Variants in MBNL2 observed in about 807,000 individuals in gnomAD.
MBNL2 encodes the protein muscleblind-like protein 2.
MBNL2 carries 17 observed loss-of-function variants against 41.9 expected under a neutral mutation model. The ratio of observed to expected loss-of-function variants is 0.41; its 90% CI spans 0.28 to 0.61. MBNL2 has a LOEUF of 0.61. MBNL2 is among the 20% of genes least tolerant of loss of function. The pLI is 0.35. For synonymous variants in MBNL2, 195 were observed against 182.9 expected, an observed-to-expected ratio of 1.07 and a Z score of -0.53; for missense variants, 336 against 505.6, an observed-to-expected ratio of 0.66 and a Z score of 3.22.
At chr13:97,218,234 T>A (rs2040535393), upstream of MBNL2, among the ~76,000 whole-genome samples, 2 of 151,532 alleles carry the variant, frequency 1.3e-5, no homozygotes, top group African/African-American at 4.9e-5. Context: ...CACGGTGAAA[T>A]CCCATCTCTA....
intron 2 of MBNL2, among the ~76,000 whole-genome samples, chr13:97,303,873 A>G (rs1195327326): frequency 6.6e-6 from 1 of 152,240 alleles, no homozygotes; most frequent in Non-Finnish European, 1.5e-5. Context: ...TGTTAAATTG[A>G]AATTCTACCA....
At chr13:97,296,840 A>G (rs889092327) in intron 2 of MBNL2, among the ~76,000 whole-genome samples, 3 of 152,222 alleles carry the variant, frequency 2.0e-5, no homozygotes, top group African/African-American at 7.2e-5. Context: ...AGTTCTATAG[A>G]CAAGGTGTGA....
chr13:97,362,576 T>A (rs2063500913), intron 7 of MBNL2, among the ~76,000 whole-genome samples: 1 of 152,076 alleles, frequency 6.6e-6, no homozygotes, highest in African/African-American at 2.4e-5. Flanking sequence ...TGGAGCATGG[T>A]GCCAGGGAGG....
At chr13:97,181,278 G>A in the MBNL2 span, among the ~76,000 whole-genome samples, 1 of 152,126 alleles carries the variant, frequency 6.6e-6, no homozygotes, top group Non-Finnish European at 1.5e-5. Context: ...TGCCATATAA[G>A]ATAATATATT....
intron 1 of MBNL2, among the ~76,000 whole-genome samples, chr13:97,242,237 G>T (rs1021852130): frequency 1.3e-5 from 2 of 152,260 alleles, no homozygotes; most frequent in African/African-American, 4.8e-5. Flanking sequence ...GTGCTTTAGG[G>T]TGTTTAGATC....
intron 7 of MBNL2, among the ~76,000 whole-genome samples, chr13:97,363,303 T>C (rs2063566779): frequency 1.3e-5 from 2 of 151,774 alleles, no homozygotes; most frequent in Admixed American, 6.6e-5. Flanking sequence ...CCACAGGAAA[T>C]GTAGCGTAGA....
intron 2 of MBNL2, among the ~76,000 whole-genome samples, chr13:97,318,770 G>A (rs1413651093): frequency 6.6e-6 from 1 of 152,180 alleles, no homozygotes; most frequent in Non-Finnish European, 1.5e-5. Context: ...CTAAGAGAAA[G>A]AGGAAGTAAT....
chr13:97,315,610 G>A (rs1340758792), intron 2 of MBNL2, among the ~76,000 whole-genome samples: 1 of 152,214 alleles, frequency 6.6e-6, no homozygotes, highest in East Asian at 1.9e-4. Flanking sequence ...AGTCATTCAT[G>A]TGAGGGAAGG....
chr13:97,355,853 GCTCA>G (rs1016553721), intron 5 of MBNL2, among the ~76,000 whole-genome samples: 7 of 152,060 alleles, frequency 4.6e-5, no homozygotes, highest in Admixed American at 3.9e-4. Context: ...TAATGGGGTT[GCTCA>G]CTGATTGTAG....
chr13:97,314,028 A>AT (rs2058826849), intron 2 of MBNL2, among the ~76,000 whole-genome samples: 1 of 152,168 alleles, frequency 6.6e-6, no homozygotes, highest in Non-Finnish European at 1.5e-5. Context: ...CCCTCCATTG[A>AT]TTTTGCATCT....
chr13:97,222,167 A>G (rs2040914716), upstream of MBNL2: 1 of 363,184 alleles, frequency 2.8e-6, no homozygotes, highest in Non-Finnish European at 4.9e-6. Flanking sequence ...TTTCATCAGT[A>G]TGGATGCACT....
At chr13:97,248,429 C>G (rs914392862) in intron 1 of MBNL2, among the ~76,000 whole-genome samples, 4 of 152,236 alleles carry the variant, frequency 2.6e-5, no homozygotes, top group African/African-American at 9.6e-5. Flanking sequence ...GCCACCGCAC[C>G]CGGGGCCCCA....
chr13:97,366,667 ATT>A lies in MBNL2; in HGVS notation c.1048+1502_1048+1503del, dbSNP rs764750590. 1 of 738,770 alleles carries A rather than the reference ATT, an allele frequency of 1.4e-6. No individual in the cohort carries two copies. The highest frequency in any genetic ancestry group is 2.4e-6 in the Non-Finnish European group (1 of 408,696). The allele number at this position is 738,770 out of a possible 1,614,324, so 45.8% of individuals were successfully genotyped here. ...TTTTCATGTTTATCCATCAAATTTT[ATT>A]TTTTTAATTAGTTTATAGCAAGCAT... On this transcript the variant is annotated intron_variant, in intron 8 of 8. Transcript: ENST00000679496. The surrounding 1 kb of genome is among the most constrained non-coding windows in gnomAD (Gnocchi z 4.7).
At chr13:97,339,400 G>C (rs964384688) in intron 3 of MBNL2, among the ~76,000 whole-genome samples, 2 of 152,010 alleles carry the variant, frequency 1.3e-5, no homozygotes, top group Non-Finnish European at 2.9e-5. Flanking sequence ...GCAGGAAATC[G>C]CAAGACCAGC....
chr13:97,195,999 C>T, the MBNL2 span, among the ~76,000 whole-genome samples: 1 of 152,166 alleles, frequency 6.6e-6, no homozygotes, highest in South Asian at 2.1e-4. Flanking sequence ...TCGTTTTAGC[C>T]TAAGGAACAT....
At chr13:97,147,092 G>A in the MBNL2 span, among the ~76,000 whole-genome samples, 3 of 152,168 alleles carry the variant, frequency 2.0e-5, no homozygotes, top group Non-Finnish European at 4.4e-5. Context: ...GACAAGAACA[G>A]CATCTGGAAA....
upstream of MBNL2, among the ~76,000 whole-genome samples, chr13:97,216,872 A>G (rs1566345899): frequency 6.6e-6 from 1 of 151,406 alleles, no homozygotes; most frequent in Non-Finnish European, 1.5e-5. Flanking sequence ...GCATGGATAT[A>G]TATTATTACA....
the MBNL2 span, among the ~76,000 whole-genome samples, chr13:97,166,454 G>A: frequency 3.2e-4 from 20 of 62,126 alleles, no homozygotes; most frequent in Non-Finnish European, 5.6e-4. Flanking sequence ...TATGGATCTT[G>A]TGTATGTCTG....
In MBNL2 at chr13:97,366,956, A is replaced by C. The variant is rs1414653157; in HGVS notation, c.1048+1785A>C. On this transcript the variant is annotated intron_variant, in intron 8 of 8. Coordinates refer to ENST00000679496, the MANE Select transcript of MBNL2 (RefSeq NM_001382683.1). The surrounding 1 kb of genome is among the most constrained non-coding windows in gnomAD (Gnocchi z 4.7). Reference sequence around the variant, plus strand: ...CCCTATCATCTGTGTGGAGGAAAAAAATCTCCTCTTAGAAAGAGTCATATT... The same window carrying C: ...CCCTATCATCTGTGTGGAGGAAAAACATCTCCTCTTAGAAAGAGTCATATT... 6.6e-6 allele frequency among the ~76,000 whole-genome samples: 1 copy of C among 152,120 alleles called. No homozygotes were observed. Among genetic ancestry groups the C allele is most frequent in the African/African-American group, 2.4e-5 (1 of 41,414 alleles).
Sources: allele counts gnomAD v4.1 joint callset (sites outside exome capture counted in the v4.1 genomes callset), GRCh38; gene constraint gnomAD v4.1.1; non-coding constraint Gnocchi (gnomAD v3.1); transcripts MANE v1.5; gene names NCBI Gene and HGNC (gene_info 2026-07-23, HGNC 2026-07-21).